Variants in RGS12 observed in about 807,000 individuals in gnomAD.
RGS12 encodes regulator of G protein signaling 12, also known as regulator of G-protein signaling 12.
In RGS12, 66 loss-of-function variants were observed where a neutral mutation model predicts 120.1. The ratio of observed to expected loss-of-function variants is 0.55; its 90% CI spans 0.45 to 0.67. The LOEUF is 0.67. Ranked by LOEUF, RGS12 falls within the 30% of genes least tolerant of loss-of-function variation. The probability of loss-of-function intolerance (pLI) is 0.00; values close to 1 mark genes in which losing one functional copy is unlikely to be tolerated. For synonymous variants in RGS12, 827 were observed against 804.7 expected, an observed-to-expected ratio of 1.03 and a Z score of -0.47; for missense variants, 1,859 against 1,957.7, an observed-to-expected ratio of 0.95 and a Z score of 0.95.
intron 4 of RGS12, among the ~76,000 whole-genome samples, chr4:3,393,494 T>G (rs1719714322): frequency 6.6e-6 from 1 of 152,058 alleles, no homozygotes; most frequent in Admixed American, 6.5e-5. Flanking sequence ...GGACGGTGGT[T>G]CTACCTGGGC....
At chr4:3,358,688 A>G (rs1715125315) in intron 3 of RGS12, among the ~76,000 whole-genome samples, 1 of 152,056 alleles carries the variant, frequency 6.6e-6, no homozygotes, top group Non-Finnish European at 1.5e-5. Flanking sequence ...CCACTTGGTG[A>G]TGGTGTATAA....
At chr4:3,415,115 AG>A (rs1722234123) in intron 6 of RGS12, among the ~76,000 whole-genome samples, 2 of 75,326 alleles carry the variant, frequency 2.7e-5, no homozygotes, top group Non-Finnish European at 5.3e-5. Flanking sequence ...CGCGTGTGAG[AG>A]GGCCGCGTGT....
At chr4:3,352,625 G>A (rs1714471456) in intron 3 of RGS12, among the ~76,000 whole-genome samples, 2 of 152,208 alleles carry the variant, frequency 1.3e-5, no homozygotes, top group African/African-American at 4.8e-5. Flanking sequence ...TAATCGTTTT[G>A]AGATAATTTT....
intron 2 of RGS12, among the ~76,000 whole-genome samples, chr4:3,327,535 A>G (rs934909582): frequency 2.0e-5 from 3 of 152,232 alleles, no homozygotes; most frequent in Admixed American, 6.5e-5. Flanking sequence ...GCACCTGACA[A>G]GGGTCTAATA....
chr4:3,368,562 T>C (rs1716618133), intron 3 of RGS12, among the ~76,000 whole-genome samples: 1 of 106,364 alleles, frequency 9.4e-6, no homozygotes, highest in South Asian at 3.5e-4. Flanking sequence ...GGGGTGCATG[T>C]GTGTGTGTGT....
chr4:3,415,899 G>A, intron 6 of RGS12, 79 bp from the exon 7 acceptor site: 1 of 1,482,808 alleles, frequency 6.7e-7, no homozygotes, highest in Non-Finnish European at 9.1e-7. Flanking sequence ...GTAGAGCCCG[G>A]GGGTGTCGGG....
intron 2 of RGS12, among the ~76,000 whole-genome samples, chr4:3,333,211 G>T (rs1240862497): frequency 2.0e-5 from 3 of 152,164 alleles, no homozygotes; most frequent in Admixed American, 6.5e-5. Flanking sequence ...CACCTTGCCC[G>T]GCTAATTTTT....
Position 3,347,945 on chromosome 4 carries a change from AAAG to A in RGS12, c.1998+4896_1998+4898del, listed in dbSNP as rs1713974364. Reference sequence around the variant, plus strand: ...AAAAACACACCCATAAATGTAACTGAAAGAAGGTCTAGCATCACGTATCATTTT... The same window carrying A: ...AAAAACACACCCATAAATGTAACTGAAAGGTCTAGCATCACGTATCATTTT... On this transcript the variant is annotated intron_variant, in intron 3 of 17. Transcript: ENST00000336727. 1.3e-5 allele frequency among the ~76,000 whole-genome samples: 2 copies of A among 152,246 alleles called. 1 individual carries two copies. The highest frequency in any genetic ancestry group is 4.1e-4 in the South Asian group (2 of 4,832).
intron 3 of RGS12, among the ~76,000 whole-genome samples, chr4:3,348,993 A>G (rs1340330865): frequency 6.6e-6 from 1 of 152,258 alleles, no homozygotes; most frequent in Admixed American, 6.5e-5. Flanking sequence ...TAAAATAGAA[A>G]AAAGCTGCAG....
intron 2 of RGS12, among the ~76,000 whole-genome samples, chr4:3,327,277 C>T (rs1439609976): frequency 1.3e-5 from 2 of 152,134 alleles, no homozygotes; most frequent in Non-Finnish European, 2.9e-5. Flanking sequence ...TATCTCTCAC[C>T]ATACACAAAA....
At chr4:3,429,647 GA>G (rs1379312783) in intron 16 of RGS12, among the ~76,000 whole-genome samples, 1 of 152,218 alleles carries the variant, frequency 6.6e-6, no homozygotes, top group Non-Finnish European at 1.5e-5. Context: ...TGCTACACTA[GA>G]AAACCCAGCC....
At chr4:3,405,567 A>C (rs143445248) in intron 4 of RGS12, among the ~76,000 whole-genome samples, 1 of 152,228 alleles carries the variant, frequency 6.6e-6, no homozygotes, top group Non-Finnish European at 1.5e-5. Context: ...GCTGGAAAGG[A>C]CAGGATTGAC....
rs1719379620 is a variant in RGS12 at position 3,390,551 on chromosome 4, G to T, written c.2020+4114G>T. On this transcript the variant is annotated intron_variant, in intron 4 of 17. Coordinates refer to ENST00000336727, the MANE Select transcript of RGS12 (RefSeq NM_001394154.1). This position sits in a 1 kb window ranked among gnomAD's most constrained non-coding sequence, Gnocchi z 4.6. ...ACTCCTGTGTGACTGGTGTTGCGGG[G>T]TGGACCCACTGCCGCCGCCTCCTCC... Among the ~76,000 whole-genome samples, 1 of 152,264 alleles carries T rather than the reference G, an allele frequency of 6.6e-6. No individual in the cohort carries two copies. Among genetic ancestry groups the T allele is most frequent in the Admixed American group, 6.5e-5 (1 of 15,290 alleles).
chr4:3,328,399 A>G (rs1307071697), intron 2 of RGS12, among the ~76,000 whole-genome samples: 3 of 152,100 alleles, frequency 2.0e-5, no homozygotes, highest in Non-Finnish European at 4.4e-5. Context: ...AAACAAATAC[A>G]TTTTCATCGT....
intron 13 of RGS12, 146 bp downstream of exon 13, chr4:3,423,787 C>G: frequency 2.1e-6 from 2 of 964,456 alleles, no homozygotes; most frequent in Non-Finnish European, 1.5e-6. Context: ...GAGGAGACAG[C>G]CTCTGCCATC....
chr4:3,326,774 C>T (rs1027864751), intron 2 of RGS12, among the ~76,000 whole-genome samples: 3 of 152,062 alleles, frequency 2.0e-5, no homozygotes, highest in Non-Finnish European at 2.9e-5. Flanking sequence ...AAGATTTCCA[C>T]AAGGAAAACT....
At chr4:3,313,425 G>A (rs529873227) in intron 1 of RGS12, among the ~76,000 whole-genome samples, 5 of 152,342 alleles carry the variant, frequency 3.3e-5, no homozygotes, top group African/African-American at 7.2e-5. Context: ...TTTTCTGAGC[G>A]TGCTTTAGTG....
At position 3,313,652 on chromosome 4, in the gene RGS12, CT is replaced by C. The variant is rs1264728769; in HGVS notation, c.-101-2415del. 1.0e-3 allele frequency among the ~76,000 whole-genome samples: 152 copies of C among 152,342 alleles called. 1 individual carries two copies. The highest frequency in any genetic ancestry group is 3.5e-3 in the African/African-American group (146 of 41,580). ...GTGGCAGAGCTGGTTCCTCTGGTGA[CT>C]TTAAGTCTGCTTCCTTCACCTTTCC... On this transcript the variant is annotated intron_variant, in intron 1 of 17. Coordinates refer to ENST00000336727, the MANE Select transcript of RGS12 (RefSeq NM_001394154.1).
Position 3,316,830 on chromosome 4 carries a change from AT to A in RGS12, c.662del (p.Leu221TrpfsTer6). On this transcript the variant is annotated frameshift_variant, in exon 2 of 18. Transcript: ENST00000336727. LOFTEE classifies it high-confidence loss of function. ...GACTAGAAAGTCATGACGATTTTGC[AT>A]TGGATGCAAGTATTTTAAACGTGGC... ...IGLESHDDFA[L>X]DASILNVAMI... The A allele has an allele frequency of 1.9e-6, 3 of 1,614,140 alleles. No homozygotes were observed. The highest frequency in any genetic ancestry group is 2.5e-6 in the Non-Finnish European group (3 of 1,179,972).
Sources: allele counts gnomAD v4.1 joint callset (sites outside exome capture counted in the v4.1 genomes callset), GRCh38; gene constraint gnomAD v4.1.1; non-coding constraint Gnocchi (gnomAD v3.1); transcripts MANE v1.5; gene names NCBI Gene and HGNC (gene_info 2026-07-23, HGNC 2026-07-21).